KCNG3: variants seen among roughly 807,000 people sequenced by gnomAD.
KCNG3 encodes potassium voltage-gated channel modifier subfamily G member 3, also known as voltage-gated potassium channel regulatory subunit KCNG3.
In KCNG3, 15 loss-of-function variants were observed where a neutral mutation model predicts 29.0. The observed-to-expected ratio is 0.52, with a 90% CI of 0.35 to 0.80. The LOEUF is 0.80. KCNG3 is among the 30% of genes least tolerant of loss of function. The pLI is 0.01. For synonymous variants in KCNG3, 322 were observed against 248.9 expected (o/e 1.29, Z -2.76); for missense variants, 512 against 605.7 (o/e 0.85, Z 1.62).
At chr2:42,397,634 C>A in the KCNG3 span, among the ~76,000 whole-genome samples, 1 of 152,174 alleles carries the variant, frequency 6.6e-6, no homozygotes, top group South Asian at 2.1e-4. Context: ...TATGTTCAAG[C>A]CTTTGCATGG....
intron 1 of KCNG3, among the ~76,000 whole-genome samples, chr2:42,470,698 G>T (rs556329602): frequency 2.0e-5 from 3 of 151,768 alleles, no homozygotes; most frequent in Admixed American, 6.6e-5. Flanking sequence ...AACACAGTGG[G>T]AACCTGTCTC....
At chr2:42,463,159 G>T in intron 1 of KCNG3, 1 of 342,738 alleles carries the variant, frequency 2.9e-6, no homozygotes, top group South Asian at 3.0e-5. Flanking sequence ...TCTAATCCTA[G>T]ACCAAGCTCA....
At chr2:42,401,195 C>T in the KCNG3 span, among the ~76,000 whole-genome samples, 1 of 148,146 alleles carries the variant, frequency 6.8e-6, no homozygotes, top group Non-Finnish European at 1.5e-5. Context: ...TATACACACA[C>T]AGAAAAATAT....
At chr2:42,393,263 TAAA>T in the KCNG3 span, among the ~76,000 whole-genome samples, 1 of 143,216 alleles carries the variant, frequency 7.0e-6, no homozygotes. Context: ...TCTCTTACAT[TAAA>T]AAAAAAAAAA....
chr2:42,492,878 G>A lies in KCNG3; in HGVS notation c.624C>T (p.Asp208=). Residue 208 remains aspartate, a synonymous_variant, in exon 1 of 2, where the codon GAC becomes GAT. Transcript: ENST00000306078. The stretch of plus-strand genomic sequence containing the variant: ...CAGGGCCGGCGGAGTACCTGCTCCG[G>A]TCATCCAGGCTGCGGTTGTCGGCGG... The part of the protein sequence containing the change: ...NAAADNRSLD[D]RSRYSAGPGR... 6.5e-7 allele frequency: 1 copy of A among 1,537,852 alleles called. No homozygotes were observed. Among genetic ancestry groups the A allele is most frequent in the Non-Finnish European group, 8.7e-7 (1 of 1,148,644 alleles).
At chr2:42,425,794 C>G in the KCNG3 span, among the ~76,000 whole-genome samples, 2 of 152,094 alleles carry the variant, frequency 1.3e-5, no homozygotes, top group Non-Finnish European at 2.9e-5. Flanking sequence ...TCAAGGCTAC[C>G]TGACCAACAG....
chr2:42,436,955 G>T, the KCNG3 span, among the ~76,000 whole-genome samples: 4 of 152,118 alleles, frequency 2.6e-5, no homozygotes, highest in African/African-American at 9.7e-5. Context: ...TCCTTTAGGG[G>T]ATGATAGGTA....
In KCNG3 at chr2:42,444,879, C is replaced by T. The variant is rs1424729925; in HGVS notation, c.666-300G>A. On this transcript the variant is annotated intron_variant, in intron 1 of 1. Coordinates refer to ENST00000306078, the MANE Select transcript of KCNG3 (RefSeq NM_133329.6). The surrounding 1 kb of genome is among the most constrained non-coding windows in gnomAD (Gnocchi z 5.8). ...GAGTTCGAGACCAACCTGGGCACCA[C>T]AGCAAAACCCCGTCTCCACAAAAAA... Among the ~76,000 whole-genome samples, 1 of 125,730 alleles carries T rather than the reference C, an allele frequency of 8.0e-6. No homozygotes were observed. Among genetic ancestry groups the T allele is most frequent in the Admixed American group, 9.1e-5 (1 of 10,960 alleles). 82.5% of individuals were successfully genotyped at this position (125,730 alleles called of 152,430 possible).
the KCNG3 span, among the ~76,000 whole-genome samples, chr2:42,398,260 T>TAAAAA: frequency 8.1e-6 from 1 of 124,090 alleles, no homozygotes; most frequent in East Asian, 2.2e-4. Context: ...AATAAATAAA[T>TAAAAA]AAATAAAATA....
At chr2:42,416,976 C>T in the KCNG3 span, among the ~76,000 whole-genome samples, 4 of 152,038 alleles carry the variant, frequency 2.6e-5, no homozygotes, top group African/African-American at 7.3e-5. Flanking sequence ...CGTCCTGGCA[C>T]GGTGGCTCAT....
At chr2:42,460,440 C>T (rs192244357) in intron 1 of KCNG3, among the ~76,000 whole-genome samples, 126 of 152,160 alleles carry the variant, frequency 8.3e-4, no homozygotes, top group Non-Finnish European at 1.6e-3. Context: ...TGAAAGTTTG[C>T]GACCTAGCAA....
At chr2:42,406,307 C>A in the KCNG3 span, among the ~76,000 whole-genome samples, 3 of 151,680 alleles carry the variant, frequency 2.0e-5, no homozygotes, top group Non-Finnish European at 4.4e-5. Flanking sequence ...GCAACCTCTG[C>A]CTCCTGGGTT....
the KCNG3 span, among the ~76,000 whole-genome samples, chr2:42,427,012 A>G: frequency 1.3e-5 from 2 of 152,248 alleles, no homozygotes; most frequent in East Asian, 1.9e-4. Flanking sequence ...TATTTTACCC[A>G]TAACTAGAGA....
the KCNG3 span, among the ~76,000 whole-genome samples, chr2:42,424,220 T>C: frequency 6.6e-6 from 1 of 152,178 alleles, no homozygotes; most frequent in South Asian, 2.1e-4. Flanking sequence ...TGTAGCTGAG[T>C]GCCAAAACTC....
intron 1 of KCNG3, among the ~76,000 whole-genome samples, chr2:42,484,832 C>G (rs952026843): frequency 4.6e-5 from 7 of 152,154 alleles, no homozygotes; most frequent in African/African-American, 1.7e-4. Context: ...TTGGCAGCAG[C>G]CTGTACACAT....
Position 42,444,457 on chromosome 2 carries a change from G to A in KCNG3, c.788C>T (p.Thr263Met), listed in dbSNP as rs148581980. 28 of 1,614,054 alleles carry A rather than the reference G, an allele frequency of 1.7e-5. No individual in the cohort carries two copies. Among genetic ancestry groups the A allele is most frequent in the Admixed American group, 3.3e-5 (2 of 60,000 alleles). ...CATCAACACAGAGATGTAATACGGC[G>A]TGATTGCCAGTAAATCAATGATGTT... ...PLNIIDLLAI[T>M]PYYISVLMTV... Residue 263 changes from threonine (T) to methionine (M), a missense_variant, in exon 2 of 2, where the codon ACG becomes ATG. Physicochemically the swap from Thr to Met is moderately conservative, Grantham distance 81. This residue lies in a region of KCNG3 where 173 missense variants were observed against 262.4 expected (regional missense o/e 0.66). Transcript: ENST00000306078. The surrounding 1 kb of genome is among the most constrained non-coding windows in gnomAD (Gnocchi z 5.8).
chr2:42,451,063 G>C (rs958191128), intron 1 of KCNG3, among the ~76,000 whole-genome samples: 26 of 151,474 alleles, frequency 1.7e-4, no homozygotes, highest in Admixed American at 1.7e-3. Context: ...AAATTAGCTG[G>C]GCATGGTGGC....
the KCNG3 span, among the ~76,000 whole-genome samples, chr2:42,429,491 C>T: frequency 6.6e-6 from 1 of 152,172 alleles, no homozygotes; most frequent in Non-Finnish European, 1.5e-5. Context: ...CTTGAGTATA[C>T]CAGACAGGTC....
chr2:42,462,924 C>G (rs567724081), intron 1 of KCNG3, among the ~76,000 whole-genome samples: 1 of 152,120 alleles, frequency 6.6e-6, no homozygotes, highest in Admixed American at 6.5e-5. Context: ...TACCAAATTC[C>G]CCCCAAGTCT....
Sources: allele counts gnomAD v4.1 joint callset (sites outside exome capture counted in the v4.1 genomes callset), GRCh38; gene constraint gnomAD v4.1.1; regional missense constraint gnomAD v4.1.1; non-coding constraint Gnocchi (gnomAD v3.1); transcripts MANE v1.5; gene names NCBI Gene and HGNC (gene_info 2026-07-23, HGNC 2026-07-21).